The following BIN1 variants were observed in gnomAD, a reference collection of about 807,000 sequenced individuals.
BIN1 encodes the protein bridging integrator 1, also known as myc box-dependent-interacting protein 1.
BIN1 carries 53 observed loss-of-function variants against 82.0 expected under a neutral mutation model. That is an observed-to-expected ratio of 0.65 (90% CI 0.52 to 0.81). The LOEUF (loss-of-function observed/expected upper bound fraction) is 0.81, where lower values mean the gene tolerates loss of function less well. Ranked by LOEUF, BIN1 falls within the 40% of genes least tolerant of loss-of-function variation. BIN1 has a pLI of 0.00. For missense variants in BIN1, 642 were observed against 784.4 expected, an observed-to-expected ratio of 0.82 and a Z score of 2.17; for synonymous variants, 302 against 328.0, an observed-to-expected ratio of 0.92 and a Z score of 0.86.
rs186415110 is a variant in BIN1, at chr2:127,085,063, C to G, written c.85-8357G>C. On this transcript the variant is annotated intron_variant, in intron 1 of 18. Coordinates refer to ENST00000316724, the MANE Select transcript of BIN1 (RefSeq NM_139343.3). ...GCCCCGCCCCACCCCAGAGCTGCTG[C>G]TTCACCCTCAGGTTGGGAGGGGAGG... Among the ~76,000 whole-genome samples the G allele has an allele frequency of 2.8e-3, 419 of 147,110 alleles. 2 individuals are homozygous for G. The highest frequency in any genetic ancestry group is 9.8e-3 in the African/African-American group (399 of 40,748).
intron 16 of BIN1, 94 bp from the exon 17 acceptor site, chr2:127,051,006 G>T: frequency 1.3e-6 from 2 of 1,504,140 alleles, no homozygotes; most frequent in Non-Finnish European, 1.8e-6. Flanking sequence ...GGAGAAAGGT[G>T]TCTGCGCCTG....
chr2:127,075,539 C>A (rs1686469352), intron 2 of BIN1, among the ~76,000 whole-genome samples: 1 of 152,176 alleles, frequency 6.6e-6, no homozygotes, highest in South Asian at 2.1e-4. Context: ...CCATAACTGG[C>A]CTAAAGGACA....
Position 127,051,222 on chromosome 2 carries a change from C to T in BIN1, c.1393G>A (p.Ala465Thr). The T allele has an allele frequency of 6.2e-7, 1 of 1,613,812 alleles. No individual in the cohort carries two copies. Among genetic ancestry groups the T allele is most frequent in the Non-Finnish European group, 8.5e-7 (1 of 1,179,954 alleles). Reference protein sequence around the residue: ...PAQPAEASEVAGGTQPAAGAQ... With the variant: ...PAQPAEASEVTGGTQPAAGAQ... ...CCAGCCGCAGGTTGGGTCCCACCCG[C>T]CACCTCCGAGGCCTCTGCTGGCTGC... The change falls in exon 16 of 19, where the codon GCG becomes ACG. Residue 465 changes from alanine to threonine, a missense_variant. Transcript: ENST00000316724.
intron 1 of BIN1, among the ~76,000 whole-genome samples, chr2:127,100,291 C>A (rs1680144633): frequency 6.6e-6 from 1 of 152,184 alleles, no homozygotes; most frequent in African/African-American, 2.4e-5. Context: ...CAAGCCTAGA[C>A]CCCAGGTGGA....
chr2:127,060,673 T>C, intron 10 of BIN1: 5 of 1,613,758 alleles, frequency 3.1e-6, no homozygotes, highest in Non-Finnish European at 4.2e-6. Flanking sequence ...GAGGCCTTCA[T>C]TCTGGAGAAA....
chr2:127,052,611 G>T, intron 14 of BIN1: 2 of 547,538 alleles, frequency 3.7e-6, no homozygotes. Flanking sequence ...TGTCAAAATG[G>T]CCCTACCAGC....
chr2:127,065,516 G>A (rs1685044958), intron 7 of BIN1, among the ~76,000 whole-genome samples: 1 of 152,088 alleles, frequency 6.6e-6, no homozygotes, highest in African/African-American at 2.4e-5. Flanking sequence ...GTGAGTCCTA[G>A]GGGTACTGTT....
At position 127,076,638 on chromosome 2, in the gene BIN1, G is replaced by T; in HGVS notation, c.153C>A (p.Phe51Leu). The T allele has an allele frequency of 6.2e-7, 1 of 1,614,116 alleles. No homozygotes were observed. The highest frequency in any genetic ancestry group is 1.3e-5 in the African/African-American group (1 of 75,042). Residue 51 changes from phenylalanine to leucine, a missense_variant, in exon 2 of 19, where the codon TTC (phenylalanine) becomes TTA (leucine). Physicochemically the swap from Phe to Leu is conservative, Grantham distance 22 (BLOSUM62 0). Coordinates refer to ENST00000316724, the MANE Select transcript of BIN1 (RefSeq NM_139343.3). ...DEQFEQCVQNFNKQLTEGTRL... is the reference protein window; with the variant it reads ...DEQFEQCVQNLNKQLTEGTRL... ...CACCCACACTCACCAGCTGCTTGTT[G>T]AAATTCTGGACGCACTGCTCAAACT... is the stretch of plus-strand genomic sequence containing the variant.
chr2:127,106,233 CTGGGCTCCCGGT>C (rs1476223356), intron 1 of BIN1, among the ~76,000 whole-genome samples: 1 of 152,208 alleles, frequency 6.6e-6, no homozygotes, highest in Non-Finnish European at 1.5e-5. Flanking sequence ...GTGCGTAGCC[CTGGGCTCCCGGT>C]GGGGCCGGGC....
rs1017223856 is a variant in BIN1, at chr2:127,068,788, T to A, written c.519+136A>T. The A allele has an allele frequency of 1.2e-6, 1 of 836,690 alleles. No homozygotes were observed. Among genetic ancestry groups the A allele is most frequent in the Non-Finnish European group, 2.0e-6 (1 of 507,310 alleles). 51.8% of individuals were successfully genotyped at this position (836,690 alleles called of 1,614,324 possible). On this transcript the variant is annotated intron_variant, in intron 6 of 18. Coordinates refer to ENST00000316724, the MANE Select transcript of BIN1 (RefSeq NM_139343.3). This position sits in a 1 kb window ranked among gnomAD's most constrained non-coding sequence, Gnocchi z 4.9. ...CACAAGGGCCTCTCACTCACCGGCC[T>A]GGGCCCTGTATCGTCCCCACCCCCA...
chr2:127,085,453 A>C (rs1221106064), intron 1 of BIN1, among the ~76,000 whole-genome samples: 1 of 152,176 alleles, frequency 6.6e-6, no homozygotes, highest in Non-Finnish European at 1.5e-5. Flanking sequence ...AAGCACCTCC[A>C]GTGTGAGATG....
chr2:127,048,628 T>G lies in BIN1; in HGVS notation c.1680A>C (p.Glu560Asp). 1 of 1,612,752 alleles carries G rather than the reference T, an allele frequency of 6.2e-7. No homozygotes were observed. Among genetic ancestry groups the G allele is most frequent in the South Asian group, 1.1e-5 (1 of 91,018 alleles). Residue 560 changes from glutamate (E) to aspartate (D), a missense_variant, in exon 19 of 19, where the codon GAA (glutamate) becomes GAC (aspartate). By Grantham distance (45) the Glu-to-Asp change is conservative. Transcript: ENST00000316724. ...IPFQNPEEQDEGWLMGVKESD... is the reference protein window; with the variant it reads ...IPFQNPEEQDDGWLMGVKESD... ...TCTCCTTCACGCCCATGAGCCAGCC[T>G]TCATCCTGAGGGGCAGAGCACCAGG...
At chr2:127,079,463 C>T (rs1687025678) in intron 1 of BIN1, among the ~76,000 whole-genome samples, 1 of 152,212 alleles carries the variant, frequency 6.6e-6, no homozygotes, top group African/African-American at 2.4e-5. Flanking sequence ...GCCCTCACAC[C>T]GGGTCCAGGC....
In BIN1 at chr2:127,068,138, G is replaced by A. The variant is rs370482671; in HGVS notation, c.612+25C>T. 24 of 1,606,666 alleles carry A rather than the reference G, an allele frequency of 1.5e-5. No homozygotes were observed. Among genetic ancestry groups the A allele is most frequent in the African/African-American group, 2.7e-5 (2 of 74,706 alleles). On this transcript the variant is annotated intron_variant, in intron 7 of 18. Transcript: ENST00000316724. The surrounding 1 kb of genome is among the most constrained non-coding windows in gnomAD (Gnocchi z 4.9). ...ACGACAGACCGGAAGGCGCCAGCAC[G>A]TGCAAGGTTAGAAGCCAGTGTCACC... is the stretch of plus-strand genomic sequence containing the variant.
rs755824771 is a variant in BIN1 at position 127,050,563 on chromosome 2, C to T, written c.1573-41G>A. On this transcript the variant is annotated intron_variant, in intron 17 of 18. Transcript: ENST00000316724. ...ATCGCAAGTCAGACCTTCCGTCCCA[C>T]CTCCAGCCCTGCACAGAGCACGGGC... The T allele has an allele frequency of 1.7e-5, 27 of 1,606,358 alleles. No individual in the cohort carries two copies. In the South Asian group the frequency reaches 3.0e-4, roughly 18 times the overall value.
At chr2:127,077,922 A>T (rs1265718987) in intron 1 of BIN1, among the ~76,000 whole-genome samples, 1 of 152,206 alleles carries the variant, frequency 6.6e-6, no homozygotes, top group African/African-American at 2.4e-5. Context: ...GGGAGTGGAA[A>T]GCAAAGGGAG....
At chr2:127,100,999 C>CGGGGGGGGGGGG (rs1553487375) in intron 1 of BIN1, among the ~76,000 whole-genome samples, 4 of 101,712 alleles carry the variant, frequency 3.9e-5, no homozygotes, top group Admixed American at 9.5e-5. Flanking sequence ...TAGGAATGTG[C>CGGGGGGGGGGGG]GGGGGGTGGG....
intron 1 of BIN1, among the ~76,000 whole-genome samples, chr2:127,106,081 G>A (rs1009381542): frequency 6.6e-5 from 10 of 152,220 alleles, no homozygotes; most frequent in African/African-American, 1.9e-4. Context: ...AGGAGGGGTC[G>A]GGTTTCCTGT....
chr2:127,084,380 T>C (rs903904024), intron 1 of BIN1, among the ~76,000 whole-genome samples: 8 of 152,250 alleles, frequency 5.3e-5, no homozygotes, highest in East Asian at 1.9e-4. Context: ...GTGATTCATT[T>C]TGATGCTCAA....
Sources: allele counts gnomAD v4.1 joint callset (sites outside exome capture counted in the v4.1 genomes callset), GRCh38; gene constraint gnomAD v4.1.1; non-coding constraint Gnocchi (gnomAD v3.1); transcripts MANE v1.5; gene names NCBI Gene and HGNC (gene_info 2026-07-23, HGNC 2026-07-21).